SHROOM4: variants seen among roughly 807,000 people sequenced by gnomAD.
SHROOM4 encodes shroom family member 4, also known as protein Shroom4.
SHROOM4 carries 17 observed loss-of-function variants against 80.3 expected under a neutral mutation model. The observed-to-expected ratio is 0.21, with a 90% CI of 0.14 to 0.32. SHROOM4 has a LOEUF of 0.32. SHROOM4 is among the 10% of genes least tolerant of loss of function. SHROOM4 has a pLI of 1.00. For synonymous variants in SHROOM4, 400 were observed against 437.5 expected (o/e 0.91, Z 1.07); for missense variants, 993 against 1,140.3 (o/e 0.87, Z 1.86).
chrX:50,714,232 A>G (rs1933891671), intron 1 of SHROOM4, among the ~76,000 whole-genome samples: 1 of 111,832 alleles, frequency 8.9e-6, no homozygotes, highest in South Asian at 3.7e-4. Context: ...TAGCCTTGTA[A>G]TATATTTTGA....
intron 5 of SHROOM4, among the ~76,000 whole-genome samples, chrX:50,612,084 T>C (rs782546355): frequency 9.2e-6 from 1 of 109,091 alleles, no homozygotes; most frequent in Non-Finnish European, 1.9e-5. Flanking sequence ...ACGGCAGAAA[T>C]TAATATACTA....
chrX:50,650,714 C>T (rs1222405078), intron 2 of SHROOM4, among the ~76,000 whole-genome samples: 1 of 111,828 alleles, frequency 8.9e-6, no homozygotes, highest in Non-Finnish European at 1.9e-5. Context: ...TATCATTTAC[C>T]CAGGCAACTG....
intron 1 of SHROOM4, among the ~76,000 whole-genome samples, chrX:50,706,982 G>A (rs1933695069): frequency 1.8e-5 from 2 of 111,766 alleles, no homozygotes; most frequent in African/African-American, 6.5e-5. Context: ...CATGAACAGT[G>A]GGATATTTAA....
chrX:50,580,690 G>A, the SHROOM4 span, among the ~76,000 whole-genome samples: 3 of 111,439 alleles, frequency 2.7e-5, no homozygotes, highest in African/African-American at 9.8e-5. Flanking sequence ...TTGGGAAGCC[G>A]AGGCAGGAGG....
chrX:50,758,087 G>A (rs1953446639), intron 1 of SHROOM4, among the ~76,000 whole-genome samples: 2 of 111,223 alleles, frequency 1.8e-5, no homozygotes, highest in Non-Finnish European at 1.9e-5. Context: ...TTCATTTTCA[G>A]ATTATTACTA....
chrX:50,803,880 G>A (rs1000602961), intron 1 of SHROOM4, among the ~76,000 whole-genome samples: 1 of 111,904 alleles, frequency 8.9e-6, no homozygotes, highest in Non-Finnish European at 1.9e-5. Context: ...TTGATTGATT[G>A]ATTGATTGGA....
intron 2 of SHROOM4, among the ~76,000 whole-genome samples, chrX:50,652,421 G>T (rs995955604): frequency 2.5e-4 from 28 of 110,191 alleles, no homozygotes; most frequent in Admixed American, 4.8e-4. Flanking sequence ...TTTTTGATGG[G>T]TTTTTTTTCT....
intron 2 of SHROOM4, among the ~76,000 whole-genome samples, chrX:50,645,708 G>A (rs781845160): frequency 1.8e-5 from 2 of 111,777 alleles, no homozygotes; most frequent in Non-Finnish European, 3.8e-5. Flanking sequence ...GAGGGAAAAG[G>A]GCATATGCTC....
At chrX:50,679,606 A>G (rs1246913420) in intron 2 of SHROOM4, among the ~76,000 whole-genome samples, 1 of 111,540 alleles carries the variant, frequency 9.0e-6, no homozygotes, top group African/African-American at 3.3e-5. Flanking sequence ...GGGGTACGTG[A>G]TATTGTGATA....
chrX:50,807,113 G>A (rs1936240885), intron 1 of SHROOM4, among the ~76,000 whole-genome samples: 1 of 112,073 alleles, frequency 8.9e-6, no homozygotes, highest in Admixed American at 9.5e-5. Flanking sequence ...CTCTTCCTCA[G>A]ACCCCTTACC....
intron 1 of SHROOM4, among the ~76,000 whole-genome samples, chrX:50,702,794 A>C (rs1316421896): frequency 8.9e-6 from 1 of 112,164 alleles, no homozygotes; most frequent in African/African-American, 3.2e-5. Flanking sequence ...AAAGAATTAA[A>C]AGAATAATTA....
At chrX:50,619,691 T>A (rs1331959818) in intron 5 of SHROOM4, among the ~76,000 whole-genome samples, 1 of 111,834 alleles carries the variant, frequency 8.9e-6, no homozygotes, top group African/African-American at 3.3e-5. Context: ...ATGACCCCAA[T>A]CTATATTTGT....
chrX:50,639,492 A>C (rs782704145), intron 2 of SHROOM4, among the ~76,000 whole-genome samples: 1 of 112,131 alleles, frequency 8.9e-6, no homozygotes, highest in African/African-American at 3.2e-5. Context: ...AACATGATAA[A>C]TAAGTAGATG....
chrX:50,694,370 GT>G (rs782772040), intron 2 of SHROOM4, among the ~76,000 whole-genome samples: 1,295 of 94,746 alleles, frequency 0.014, 28 homozygotes, highest in African/African-American at 0.042. Flanking sequence ...ACCAGCATCT[GT>G]TTTTTTTTTT....
At chrX:50,727,110 T>A (rs1233370886) in intron 1 of SHROOM4, among the ~76,000 whole-genome samples, 2 of 113,064 alleles carry the variant, frequency 1.8e-5, no homozygotes, top group African/African-American at 6.4e-5. Context: ...TTTGGAGCTT[T>A]AAGATTTAAT....
At chrX:50,646,566 GT>G in intron 2 of SHROOM4, among the ~76,000 whole-genome samples, 1 of 106,592 alleles carries the variant, frequency 9.4e-6, no homozygotes, top group African/African-American at 3.5e-5. Context: ...GTGTGTGTGT[GT>G]GTGTGTGTGT....
rs907700827 is a variant in SHROOM4 at position 50,592,200 on chromosome X, G to A, written c.*4495C>T. ...TCAGGACTATAATAATGGTTACCATGTACTGAATATGTTTTCAACAAGTCA... is the reference window on the plus strand; with the variant it reads ...TCAGGACTATAATAATGGTTACCATATACTGAATATGTTTTCAACAAGTCA... On this transcript the variant is annotated 3_prime_UTR_variant, in exon 9 of 9. Coordinates refer to ENST00000376020, the MANE Select transcript of SHROOM4 (RefSeq NM_020717.5). 2 of 326,901 alleles carry A rather than the reference G, an allele frequency of 6.1e-6. No homozygotes were observed. Among genetic ancestry groups the A allele is most frequent in the Non-Finnish European group, 1.2e-5 (2 of 169,156 alleles). The allele number at this position is 326,901 out of a possible 1,213,427, so 26.9% of individuals were successfully genotyped here.
intron 5 of SHROOM4, among the ~76,000 whole-genome samples, chrX:50,623,732 T>C (rs782733268): frequency 3.6e-5 from 4 of 112,157 alleles, no homozygotes; most frequent in Non-Finnish European, 7.5e-5. Context: ...TGAATGTTCA[T>C]AGCAGTAATA....
intron 1 of SHROOM4, among the ~76,000 whole-genome samples, chrX:50,707,830 G>A (rs1933716679): frequency 9.0e-6 from 1 of 111,494 alleles, no homozygotes; most frequent in South Asian, 3.8e-4. Context: ...AGCTTTTAAG[G>A]TTTGATTAAA....
Sources: gnomAD v4.1 joint callset for allele counts (sites outside exome capture counted in the v4.1 genomes callset) on GRCh38, gnomAD v4.1.1 for gene constraint, MANE v1.5 for transcripts, NCBI Gene and HGNC (gene_info 2026-07-23, HGNC 2026-07-21) for gene names.